VPS53: variants seen among roughly 807,000 people sequenced by gnomAD.
VPS53 encodes the protein vacuolar protein sorting-associated protein 53 homolog.
Under a neutral mutation model 107.0 loss-of-function variants are expected in VPS53, and 70 were observed. The observed-to-expected ratio is 0.65, with a 90% CI of 0.54 to 0.80. The LOEUF (loss-of-function observed/expected upper bound fraction) is 0.80, where lower values mean the gene tolerates loss of function less well. Ranked by LOEUF, VPS53 falls within the 30% of genes least tolerant of loss-of-function variation. The pLI is 0.00. For synonymous variants in VPS53, 409 were observed against 393.3 expected (o/e 1.04, Z -0.47); for missense variants, 917 against 1,049.4 (o/e 0.87, Z 1.74).
chr17:614,552 T>C (rs976103991), intron 11 of VPS53, among the ~76,000 whole-genome samples: 1 of 152,172 alleles, frequency 6.6e-6, no homozygotes, highest in Non-Finnish European at 1.5e-5. Context: ...CATAAAATAT[T>C]TTCCAACGCT....
At chr17:618,216 T>C (rs1969239721) in intron 11 of VPS53, among the ~76,000 whole-genome samples, 1 of 78,416 alleles carries the variant, frequency 1.3e-5, no homozygotes, top group African/African-American at 4.2e-5. Flanking sequence ...CACGCCCCAC[T>C]AATATTTCCC....
intron 6 of VPS53, among the ~76,000 whole-genome samples, chr17:655,540 C>T (rs989679075): frequency 6.9e-6 from 1 of 145,472 alleles, no homozygotes; most frequent in Non-Finnish European, 1.5e-5. Context: ...GTGAATATGG[C>T]CCTGTGTCAC....
chr17:636,101 G>A (rs1484981046), intron 7 of VPS53, among the ~76,000 whole-genome samples: 1 of 152,180 alleles, frequency 6.6e-6, no homozygotes, highest in Non-Finnish European at 1.5e-5. Context: ...TCTCCTTGAA[G>A]AGGTCCTTCA....
intron 19 of VPS53, among the ~76,000 whole-genome samples, chr17:529,633 C>A (rs1185298220): frequency 6.6e-6 from 1 of 152,128 alleles, no homozygotes. Context: ...GCTATCCTGT[C>A]ATTTTAAAGG....
rs576173257 is a variant in VPS53 at position 629,084 on chromosome 17, T to C, written c.688-853A>G. 1.1e-4 allele frequency among the ~76,000 whole-genome samples: 16 copies of C among 152,350 alleles called. 1 individual carries two copies. Among genetic ancestry groups the C allele is most frequent in the African/African-American group, 3.6e-4 (15 of 41,592 alleles). On this transcript the variant is annotated intron_variant, in intron 8 of 21. Transcript: ENST00000437048. ...ACCTCATATGAAAAATAATAGACTTTAGGTGATAAGTAAGGTTCTTCTAAA... is the reference window on the plus strand; with the variant it reads ...ACCTCATATGAAAAATAATAGACTTCAGGTGATAAGTAAGGTTCTTCTAAA...
At position 513,469 on chromosome 17, in the gene VPS53, C is replaced by T. The variant is rs1056673152; in HGVS notation, c.*5659G>A. On this transcript the variant is annotated 3_prime_UTR_variant, in exon 22 of 22. Transcript: ENST00000437048. ...TCATCGTACCCTTCATGTAGGCCAG[C>T]ATTTCAGGTGTCCATGTTTCTAAGG... 1 of 152,202 alleles carries T rather than the reference C, an allele frequency of 6.6e-6. No homozygotes were observed. Among genetic ancestry groups the T allele is most frequent in the African/African-American group, 2.4e-5 (1 of 41,460 alleles). 9.4% of individuals were successfully genotyped at this position (152,202 alleles called of 1,614,324 possible). A position where few individuals can be genotyped will look rare whatever the true frequency, so the allele number is the denominator to read the frequency against.
chr17:674,508 C>T (rs1231055317), intron 4 of VPS53: 1 of 152,148 alleles, frequency 6.6e-6, no homozygotes, highest in East Asian at 1.9e-4. Flanking sequence ...TTTTTCTCTT[C>T]CTGGTTCGCT....
In VPS53 at chr17:712,639, T is replaced by C. The variant is rs147175723; in HGVS notation, c.87+1984A>G. On this transcript the variant is annotated intron_variant, in intron 1 of 21. Transcript: ENST00000437048. ...AAAGTAAGAAAAAATTCTGAATTCA[T>C]CTTGACATAATGATGTCTGAATTCT... 3.2e-3 allele frequency among the ~76,000 whole-genome samples: 493 copies of C among 152,328 alleles called. 4 individuals are homozygous for C. The highest frequency in any genetic ancestry group is 7.2e-3 in the African/African-American group (299 of 41,572).
At chr17:643,869 C>T (rs957648482) in intron 7 of VPS53, among the ~76,000 whole-genome samples, 6 of 152,206 alleles carry the variant, frequency 3.9e-5, no homozygotes, top group African/African-American at 1.2e-4. Flanking sequence ...CCAGGAGGCC[C>T]AGGAGGAACT....
chr17:642,314 T>C (rs547181316), intron 7 of VPS53, among the ~76,000 whole-genome samples: 195 of 152,124 alleles, frequency 1.3e-3, no homozygotes, highest in African/African-American at 4.2e-3. Context: ...ACAACACTCA[T>C]ACTTGGAAAG....
chr17:525,000 T>C lies in VPS53; in HGVS notation c.2086-3262A>G, dbSNP rs1035760222. Among the ~76,000 whole-genome samples the C allele has an allele frequency of 2.6e-5, 4 of 152,302 alleles. No individual in the cohort carries two copies. The East Asian group carries it at 5.8e-4, about 22-fold the overall frequency. Reference sequence around the variant, plus strand: ...AAACGTTCCCTGCATCCGCTATTTATAAAAGCAAAAGTTTGGAAACAACCT... The same window carrying C: ...AAACGTTCCCTGCATCCGCTATTTACAAAAGCAAAAGTTTGGAAACAACCT... On this transcript the variant is annotated intron_variant, in intron 19 of 21. Coordinates refer to ENST00000437048, the MANE Select transcript of VPS53 (RefSeq NM_001128159.3). This position sits in a 1 kb window ranked among gnomAD's most constrained non-coding sequence, Gnocchi z 4.5.
chr17:694,407 C>T (rs951606547), intron 4 of VPS53, among the ~76,000 whole-genome samples: 3 of 152,148 alleles, frequency 2.0e-5, no homozygotes, highest in Non-Finnish European at 2.9e-5. Flanking sequence ...CAGGTTGAAA[C>T]GTAAATAACT....
intron 1 of VPS53, 38 bp from the exon 2 acceptor site, chr17:710,651 G>C (rs1973606539): frequency 1.4e-6 from 2 of 1,425,868 alleles, no homozygotes; most frequent in Non-Finnish European, 2.0e-6. Context: ...AAAACATGTA[G>C]TATACCGTAA....
chr17:569,209 C>G (rs980009086), intron 13 of VPS53, among the ~76,000 whole-genome samples: 3 of 152,146 alleles, frequency 2.0e-5, no homozygotes, highest in African/African-American at 7.2e-5. Context: ...TCCCACTGGC[C>G]AAGTCAGGGA....
intron 8 of VPS53, among the ~76,000 whole-genome samples, chr17:628,700 G>A (rs1355907902): frequency 1.3e-5 from 2 of 152,162 alleles, no homozygotes; most frequent in Admixed American, 6.5e-5. Context: ...TGTTCTTAAA[G>A]TGCTATGTTT....
intron 4 of VPS53, among the ~76,000 whole-genome samples, chr17:662,240 G>C (rs769769574): frequency 3.3e-5 from 5 of 152,182 alleles, no homozygotes; most frequent in Non-Finnish European, 7.3e-5. Flanking sequence ...AGAGGGACAG[G>C]GGTAGCTCTA....
Position 514,653 on chromosome 17 carries a change from G to GGTCTCCTC in VPS53, c.*4467_*4474dup. On this transcript the variant is annotated 3_prime_UTR_variant, in exon 22 of 22. Coordinates refer to ENST00000437048, the MANE Select transcript of VPS53 (RefSeq NM_001128159.3). ...CTGGCATTCTTTCAACAGGGAACCA[G>GGTCTCCTC]GTCTCCTCATCCGATGGCAATTCAG... 6.5e-6 allele frequency: 1 copy of GGTCTCCTC among 152,788 alleles called. No homozygotes were observed. The highest frequency in any genetic ancestry group is 2.1e-4 in the South Asian group (1 of 4,836). The allele number at this position is 152,788 out of a possible 1,614,324, so 9.5% of individuals were successfully genotyped here. A position where few individuals can be genotyped will look rare whatever the true frequency, so the allele number is the denominator to read the frequency against.
At chr17:569,135 G>A (rs1210560148) in intron 13 of VPS53, among the ~76,000 whole-genome samples, 1 of 152,168 alleles carries the variant, frequency 6.6e-6, no homozygotes, top group Admixed American at 6.5e-5. Flanking sequence ...GTGCCAGAGA[G>A]GAAGGAGGTG....
chr17:682,526 G>A (rs1972436998), intron 4 of VPS53, among the ~76,000 whole-genome samples: 1 of 152,096 alleles, frequency 6.6e-6, no homozygotes, highest in Non-Finnish European at 1.5e-5. Context: ...CAGGCGAGAG[G>A]GCTGAAGGAA....
Sources: gnomAD v4.1 joint callset for allele counts (sites outside exome capture counted in the v4.1 genomes callset) on GRCh38, gnomAD v4.1.1 for gene constraint, Gnocchi (gnomAD v3.1) non-coding constraint, MANE v1.5 for transcripts, NCBI Gene and HGNC (gene_info 2026-07-23, HGNC 2026-07-21) for gene names.